Variants in TSPAN14 observed in about 807,000 individuals in gnomAD.
TSPAN14 encodes the protein tetraspanin-14.
A neutral mutation model predicts 36.6 loss-of-function variants in TSPAN14; 16 were observed. The observed-to-expected ratio is 0.44, with a 90% CI of 0.30 to 0.66. The LOEUF (loss-of-function observed/expected upper bound fraction) is 0.66, where lower values mean the gene tolerates loss of function less well. Ranked by LOEUF, TSPAN14 falls within the 30% of genes least tolerant of loss-of-function variation. The pLI, the probability that TSPAN14 is intolerant of heterozygous loss-of-function variation, is 0.12. For synonymous variants in TSPAN14, 139 were observed against 143.8 expected, an observed-to-expected ratio of 0.97 and a Z score of 0.24; for missense variants, 231 against 355.1, an observed-to-expected ratio of 0.65 and a Z score of 2.81.
At chr10:80,520,410 T>C (rs1025535921) in exon 9 of TSPAN14, 1 of 410,340 alleles carries the variant, frequency 2.4e-6, no homozygotes, top group Non-Finnish European at 4.8e-6. Flanking sequence ...CAGCATCGGC[T>C]GTCCGCACAG....
chr10:80,516,046 G>T, intron 7 of TSPAN14, 158 bp from the exon 8 acceptor site: 1 of 1,070,900 alleles, frequency 9.3e-7, no homozygotes, highest in East Asian at 2.5e-5. Context: ...GAGGCTGAGA[G>T]GAGCTGACGA....
intron 6 of TSPAN14, 105 bp downstream of exon 6, chr10:80,512,374 G>A (rs1840707900): frequency 6.7e-7 from 1 of 1,482,410 alleles, no homozygotes; most frequent in Admixed American, 2.2e-5. Flanking sequence ...ATGGAGGTCT[G>A]AGGAGCAGGT....
chr10:80,479,768 C>T lies in TSPAN14; in HGVS notation c.-17-9449C>T, dbSNP rs1358775643. 7.3e-5 allele frequency among the ~76,000 whole-genome samples: 11 copies of T among 150,898 alleles called. 1 individual carries two copies. Among genetic ancestry groups the T allele is most frequent in the Admixed American group, 3.3e-4 (5 of 15,126 alleles). ...TTCTTTTGGCTTAGGATTGACTTGG[C>T]GATGCGGGCTCTTTTTTGGTTCCAT... is the stretch of plus-strand genomic sequence containing the variant. On this transcript the variant is annotated intron_variant, in intron 1 of 8. Coordinates refer to ENST00000429989, the Ensembl canonical transcript of TSPAN14.
At chr10:80,516,264 T>C (rs1840934118) in exon 8 of TSPAN14, 1 of 1,614,262 alleles carries the variant, frequency 6.2e-7, no homozygotes, top group Middle Eastern at 1.6e-4. Flanking sequence ...GCTGGAAAGC[T>C]GGCTCCCGCG....
intron 7 of TSPAN14, 91 bp from the exon 8 acceptor site, chr10:80,516,113 T>C: frequency 6.3e-7 from 1 of 1,592,590 alleles, no homozygotes; most frequent in Non-Finnish European, 8.6e-7. Context: ...CCCACCCTGC[T>C]TTGCCCTGCT....
chr10:80,520,842 C>T (rs1404848548), exon 9 of TSPAN14: 1 of 532,382 alleles, frequency 1.9e-6, no homozygotes, highest in East Asian at 5.5e-5. Flanking sequence ...GACACTGCAC[C>T]TCCTGAATGT....
At chr10:80,502,492 G>A (rs1471546918) in intron 2 of TSPAN14, among the ~76,000 whole-genome samples, 1 of 152,144 alleles carries the variant, frequency 6.6e-6, no homozygotes, top group Non-Finnish European at 1.5e-5. Context: ...AAAGCTGGTC[G>A]AATGCACTGT....
chr10:80,470,610 C>T (rs1316847852), intron 1 of TSPAN14, among the ~76,000 whole-genome samples: 1 of 152,228 alleles, frequency 6.6e-6, no homozygotes, highest in Non-Finnish European at 1.5e-5. Context: ...ACAAAGAGAA[C>T]ACTTCAAATC....
chr10:80,482,381 G>T (rs1319639317), intron 1 of TSPAN14, among the ~76,000 whole-genome samples: 1 of 151,616 alleles, frequency 6.6e-6, no homozygotes. Flanking sequence ...CTGCTTCCCA[G>T]GTTCAAGCAA....
intron 1 of TSPAN14, among the ~76,000 whole-genome samples, chr10:80,471,845 G>A (rs1286407161): frequency 2.0e-5 from 3 of 152,214 alleles, no homozygotes; most frequent in Non-Finnish European, 4.4e-5. Context: ...GAGGCTGCTG[G>A]TGCAGTTGAA....
intron 2 of TSPAN14, among the ~76,000 whole-genome samples, chr10:80,493,586 G>C (rs1848037495): frequency 6.6e-6 from 1 of 152,234 alleles, no homozygotes; most frequent in Non-Finnish European, 1.5e-5. Flanking sequence ...AGGCAGTTCT[G>C]TCACATGCTA....
In TSPAN14 at chr10:80,512,032, G is replaced by T. The variant is rs2132058893; in HGVS notation, c.451-112G>T. 3 of 1,529,778 alleles carry T rather than the reference G, an allele frequency of 2.0e-6. No individual in the cohort carries two copies. In the South Asian group the frequency reaches 3.7e-5, roughly 19 times the overall value. 94.8% of individuals were successfully genotyped at this position (1,529,778 alleles called of 1,614,324 possible). ...GTAGGGGGCGGGCCTTGATTTCTCT[G>T]CATGGTAGATGCCGGCAGACTTAGC... is the stretch of plus-strand genomic sequence containing the variant. On this transcript the variant is annotated intron_variant, in intron 5 of 8. Transcript: ENST00000429989.
chr10:80,469,311 A>C (rs970690680), intron 1 of TSPAN14, among the ~76,000 whole-genome samples: 2 of 152,236 alleles, frequency 1.3e-5, no homozygotes, highest in African/African-American at 4.8e-5. Context: ...AGAAACACAA[A>C]GCATTTTCTA....
At chr10:80,513,697 T>G (rs1840776077) in intron 6 of TSPAN14, among the ~76,000 whole-genome samples, 1 of 152,262 alleles carries the variant, frequency 6.6e-6, no homozygotes, top group African/African-American at 2.4e-5. Context: ...GTGAAAATTA[T>G]ATGAAATTCA....
chr10:80,483,852 G>C (rs985803988), intron 1 of TSPAN14, among the ~76,000 whole-genome samples: 7 of 134,530 alleles, frequency 5.2e-5, no homozygotes. Flanking sequence ...GGAGGTTGCA[G>C]TGAGCCAAGA....
At chr10:80,496,549 A>C (rs569903999) in intron 2 of TSPAN14, among the ~76,000 whole-genome samples, 6 of 152,118 alleles carry the variant, frequency 3.9e-5, no homozygotes, top group Non-Finnish European at 8.8e-5. Flanking sequence ...GATTTGGAAT[A>C]TTTTAGCCAT....
chr10:80,481,030 G>A (rs963792314), intron 1 of TSPAN14, among the ~76,000 whole-genome samples: 12 of 152,046 alleles, frequency 7.9e-5, no homozygotes, highest in African/African-American at 2.4e-4. Flanking sequence ...TCTGGAACCC[G>A]GAAGGCAGAG....
At chr10:80,469,514 G>A (rs1304341828) in intron 1 of TSPAN14, among the ~76,000 whole-genome samples, 1 of 152,134 alleles carries the variant, frequency 6.6e-6, no homozygotes. Flanking sequence ...CTGGGAATGA[G>A]ACCCTGACTC....
chr10:80,495,888 C>T (rs1050423743), intron 2 of TSPAN14, among the ~76,000 whole-genome samples: 2 of 152,176 alleles, frequency 1.3e-5, no homozygotes, highest in Non-Finnish European at 2.9e-5. Flanking sequence ...ATTCCCATCA[C>T]CCCAGAAACT....
Sources: allele counts gnomAD v4.1 joint callset (sites outside exome capture counted in the v4.1 genomes callset), GRCh38; gene constraint gnomAD v4.1.1; transcripts MANE v1.5; gene names NCBI Gene and HGNC (gene_info 2026-07-23, HGNC 2026-07-21).